The following RNF115 variants were observed in gnomAD, a reference collection of about 807,000 sequenced individuals.
RNF115 encodes E3 ubiquitin-protein ligase RNF115.
Under a neutral mutation model 39.2 loss-of-function variants are expected in RNF115, and 31 were observed. That is an observed-to-expected ratio of 0.79 (90% CI 0.59 to 1.07). RNF115 has a LOEUF of 1.07. RNF115 is among the 50% of genes least tolerant of loss of function. The pLI, the probability that RNF115 is intolerant of heterozygous loss-of-function variation, is 0.00. For missense variants in RNF115, 384 were observed against 381.7 expected, an observed-to-expected ratio of 1.01 and a Z score of -0.05; for synonymous variants, 124 against 131.0, an observed-to-expected ratio of 0.95 and a Z score of 0.37.
At chr1:145,789,746 T>G (rs1648575489) in intron 1 of RNF115, among the ~76,000 whole-genome samples, 1 of 132,284 alleles carries the variant, frequency 7.6e-6, no homozygotes, top group Non-Finnish European at 1.6e-5. Context: ...CTCGCTCTCT[T>G]GCCCAGGAGC....
rs1657835787 is a variant in RNF115, at chr1:145,745,437, C to CA, written c.*1428dup. 1 of 149,584 alleles carries CA rather than the reference C, an allele frequency of 6.7e-6. No homozygotes were observed. The highest frequency in any genetic ancestry group is 1.5e-5 in the Non-Finnish European group (1 of 68,300). The allele number at this position is 149,584 out of a possible 1,614,324, so 9.3% of individuals were successfully genotyped here. A position where few individuals can be genotyped will look rare whatever the true frequency, so the allele number is the denominator to read the frequency against. On this transcript the variant is annotated 3_prime_UTR_variant, in exon 9 of 9. Coordinates refer to ENST00000582693, the MANE Select transcript of RNF115 (RefSeq NM_014455.4). The stretch of plus-strand genomic sequence containing the variant: ...CTCCAGCCTAGGCGACAGAAACAAA[C>CA]AAAAAAAGCAGTGAGTTGGGGATTT...
intron 4 of RNF115, among the ~76,000 whole-genome samples, chr1:145,760,673 G>C (rs141329385): frequency 0.013 from 2,045 of 152,274 alleles, 27 homozygotes; most frequent in Middle Eastern, 0.071. Flanking sequence ...TCCAATTAAA[G>C]CTCTTTTTCT....
At chr1:145,770,930 G>A (rs1647610009) in intron 4 of RNF115, among the ~76,000 whole-genome samples, 1 of 152,100 alleles carries the variant, frequency 6.6e-6, no homozygotes, top group South Asian at 2.1e-4. Context: ...ACAGTCACAA[G>A]ACTTCATATT....
At chr1:145,779,427 C>T (rs1559117118) in intron 3 of RNF115, among the ~76,000 whole-genome samples, 1 of 151,956 alleles carries the variant, frequency 6.6e-6, no homozygotes, top group South Asian at 2.1e-4. Context: ...CGCCTGCCTC[C>T]GCCCTCCCAA....
chr1:145,753,810 A>G (rs1448008916), intron 4 of RNF115, among the ~76,000 whole-genome samples: 1 of 152,116 alleles, frequency 6.6e-6, no homozygotes, highest in Non-Finnish European at 1.5e-5. Flanking sequence ...TCTGCCTCCC[A>G]GGTTCAGGCA....
intron 1 of RNF115, among the ~76,000 whole-genome samples, chr1:145,804,692 C>T (rs1344462321): frequency 2.6e-5 from 4 of 152,222 alleles, no homozygotes; most frequent in Middle Eastern, 3.4e-3. Context: ...TCTCAAACCA[C>T]GTTTCACAGG....
At position 145,761,177 on chromosome 1, in the gene RNF115, T is replaced by C. The variant is rs187436319; in HGVS notation, c.429-8128A>G. 1.6e-4 allele frequency among the ~76,000 whole-genome samples: 24 copies of C among 152,298 alleles called. No homozygotes were observed. In the East Asian group the frequency reaches 4.6e-3, roughly 29 times the overall value. ...TTATAAGGGAAGCAGAGCATAAAAA[T>C]TTGGAAAATTTGTAGCCTATGTGAC... is the stretch of plus-strand genomic sequence containing the variant. On this transcript the variant is annotated intron_variant, in intron 4 of 8. Coordinates refer to ENST00000582693, the MANE Select transcript of RNF115 (RefSeq NM_014455.4).
At chr1:145,814,192 G>C (rs587698426) in intron 1 of RNF115, among the ~76,000 whole-genome samples, 2 of 151,870 alleles carry the variant, frequency 1.3e-5, no homozygotes, top group East Asian at 3.9e-4. Context: ...CCCAGGAGGT[G>C]GAAGCCGCAG....
At chr1:145,795,484 A>C (rs1249157307) in intron 1 of RNF115, among the ~76,000 whole-genome samples, 2 of 152,092 alleles carry the variant, frequency 1.3e-5, no homozygotes, top group Non-Finnish European at 2.9e-5. Flanking sequence ...GCTGATTGGT[A>C]CATTTTTACA....
intron 4 of RNF115, among the ~76,000 whole-genome samples, chr1:145,760,262 A>T (rs1658448775): frequency 1.3e-5 from 2 of 152,306 alleles, no homozygotes; most frequent in South Asian, 4.1e-4. Flanking sequence ...CTACAAAAAA[A>T]ATTTAAAAAT....
chr1:145,770,672 T>C (rs1427894682), intron 4 of RNF115, among the ~76,000 whole-genome samples: 3 of 152,138 alleles, frequency 2.0e-5, no homozygotes, highest in Admixed American at 6.5e-5. Context: ...GAGACTCAGT[T>C]AATTATTTTA....
At chr1:145,766,684 A>C (rs1647299900) in intron 4 of RNF115, among the ~76,000 whole-genome samples, 1 of 119,410 alleles carries the variant, frequency 8.4e-6, no homozygotes. Context: ...TGACCCCCCC[A>C]CCTCCCTCCC....
intron 4 of RNF115, among the ~76,000 whole-genome samples, chr1:145,758,453 C>G (rs1462005768): frequency 1.3e-5 from 2 of 152,168 alleles, no homozygotes; most frequent in East Asian, 3.9e-4. Context: ...CCAGAACCAT[C>G]TAGCTAAATT....
intron 4 of RNF115, among the ~76,000 whole-genome samples, chr1:145,764,833 TC>T (rs1559109902): frequency 6.7e-6 from 1 of 149,396 alleles, no homozygotes. Context: ...AGCCGCCCCG[TC>T]CGGGAGGTGG....
chr1:145,769,551 C>G (rs1442242576), intron 4 of RNF115, among the ~76,000 whole-genome samples: 3 of 151,984 alleles, frequency 2.0e-5, no homozygotes, highest in Non-Finnish European at 4.4e-5. Flanking sequence ...TGTAATAGAT[C>G]TAGTTCCCAA....
rs1364547518 is a variant in RNF115 at position 145,742,371 on chromosome 1, T to C, written c.*4495A>G. ...GATAACCGTATTGTAGTTCAACTGA[T>C]TATAATATAGAAGCAACGGATAATG... On this transcript the variant is annotated 3_prime_UTR_variant, in exon 9 of 9. Coordinates refer to ENST00000582693, the MANE Select transcript of RNF115 (RefSeq NM_014455.4). The C allele has an allele frequency of 6.6e-6, 1 of 152,080 alleles. No homozygotes were observed. Among genetic ancestry groups the C allele is most frequent in the Admixed American group, 6.5e-5 (1 of 15,270 alleles). 9.4% of individuals were successfully genotyped at this position (152,080 alleles called of 1,614,324 possible).
chr1:145,776,439 C>T (rs1553716577), intron 3 of RNF115, among the ~76,000 whole-genome samples: 3 of 151,682 alleles, frequency 2.0e-5, no homozygotes, highest in Admixed American at 1.3e-4. Context: ...GCTGCAATTA[C>T]AGGCATTAGC....
rs1553710886 is a variant in RNF115, at chr1:145,740,769, CT to C, written c.*6096del. 1 of 152,190 alleles carries C rather than the reference CT, an allele frequency of 6.6e-6. No homozygotes were observed. The highest frequency in any genetic ancestry group is 1.5e-5 in the Non-Finnish European group (1 of 68,032). 9.4% of individuals were successfully genotyped at this position (152,190 alleles called of 1,614,324 possible). A position where few individuals can be genotyped will look rare whatever the true frequency, so the allele number is the denominator to read the frequency against. ...AAAAGCATTACTGAAATCATAGCAGCTTTTTGTTATGTATTCTTTAATCAAA... is the reference window on the plus strand; with the variant it reads ...AAAAGCATTACTGAAATCATAGCAGCTTTTGTTATGTATTCTTTAATCAAA... On this transcript the variant is annotated 3_prime_UTR_variant, in exon 9 of 9. Coordinates refer to ENST00000582693, the MANE Select transcript of RNF115 (RefSeq NM_014455.4).
chr1:145,784,709 A>C, intron 2 of RNF115, 113 bp from the exon 3 acceptor site: 6 of 804,686 alleles, frequency 7.5e-6, no homozygotes, highest in Non-Finnish European at 1.3e-5. Context: ...AAAATAACTC[A>C]TCCCAACACA....
Sources: allele counts gnomAD v4.1 joint callset (sites outside exome capture counted in the v4.1 genomes callset), GRCh38; gene constraint gnomAD v4.1.1; transcripts MANE v1.5; gene names NCBI Gene and HGNC (gene_info 2026-07-23, HGNC 2026-07-21).